The following AFG1L variants were observed in gnomAD, a reference collection of about 807,000 sequenced individuals.
AFG1L encodes the protein AFG1 like ATPase, also known as AFG1-like ATPase.
In AFG1L, 53 loss-of-function variants were observed where a neutral mutation model predicts 62.2. That is an observed-to-expected ratio of 0.85 (90% CI 0.68 to 1.07). The LOEUF (loss-of-function observed/expected upper bound fraction) is 1.07, where lower values mean the gene tolerates loss of function less well. Ranked by LOEUF, AFG1L falls within the 50% of genes least tolerant of loss-of-function variation. AFG1L has a pLI of 0.00. For synonymous variants in AFG1L, 228 were observed against 210.3 expected, an observed-to-expected ratio of 1.08 and a Z score of -0.73; for missense variants, 555 against 590.5, an observed-to-expected ratio of 0.94 and a Z score of 0.62.
chr6:108,501,210 G>A (rs1221215108), intron 10 of AFG1L, among the ~76,000 whole-genome samples: 1 of 152,132 alleles, frequency 6.6e-6, no homozygotes, highest in African/African-American at 2.4e-5. Flanking sequence ...GGCCAGGCTG[G>A]TCTTGAACTC....
chr6:108,303,542 C>T (rs1447664542), intron 1 of AFG1L, among the ~76,000 whole-genome samples: 2 of 152,188 alleles, frequency 1.3e-5, no homozygotes, highest in Non-Finnish European at 2.9e-5. Context: ...CTTCAATTTC[C>T]AGAATCTCTT....
At chr6:108,331,433 A>G (rs553948312) in intron 2 of AFG1L, among the ~76,000 whole-genome samples, 2 of 152,364 alleles carry the variant, frequency 1.3e-5, no homozygotes, top group African/African-American at 4.8e-5. Flanking sequence ...TAAGATACCA[A>G]ATTTATTAAC....
At chr6:108,470,853 AG>A in intron 8 of AFG1L, among the ~76,000 whole-genome samples, 1 of 152,186 alleles carries the variant, frequency 6.6e-6, no homozygotes, top group Non-Finnish European at 1.5e-5. Flanking sequence ...GTGTTGTTTG[AG>A]ATAACTGAAC....
chr6:108,371,563 C>T lies in AFG1L; in HGVS notation c.748+5231C>T, dbSNP rs543175689. On this transcript the variant is annotated intron_variant, in intron 6 of 12. Coordinates refer to ENST00000368977, the MANE Select transcript of AFG1L (RefSeq NM_145315.5). ...ATTTTTAAATTTTTTGTAGATCTCCCTATGTTGCCCAGGCTGGTCTCAAAC... is the reference window on the plus strand; with the variant it reads ...ATTTTTAAATTTTTTGTAGATCTCCTTATGTTGCCCAGGCTGGTCTCAAAC... Among the ~76,000 whole-genome samples the T allele has an allele frequency of 7.9e-5, 12 of 151,498 alleles. No homozygotes were observed. The East Asian group carries it at 2.1e-3, about 27-fold the overall frequency.
chr6:108,322,601 C>G (rs908202884), intron 1 of AFG1L, among the ~76,000 whole-genome samples: 1 of 152,166 alleles, frequency 6.6e-6, no homozygotes. Flanking sequence ...TGGAAGACAG[C>G]CGTCCCTATC....
chr6:108,383,162 G>A (rs1359451733), intron 6 of AFG1L, among the ~76,000 whole-genome samples: 1 of 152,178 alleles, frequency 6.6e-6, no homozygotes, highest in African/African-American at 2.4e-5. Context: ...GAACCCAGGA[G>A]GCGGAGGTTG....
chr6:108,445,682 A>AGAGAGAGAGAGAG (rs1771752673), intron 7 of AFG1L, among the ~76,000 whole-genome samples: 7 of 117,784 alleles, frequency 5.9e-5, no homozygotes, highest in African/African-American at 1.7e-4. Context: ...GAGAGAGAGA[A>AGAGAGAGAGAGAG]ACAGCCAGTT....
chr6:108,414,169 T>G (rs1334753306), intron 7 of AFG1L, among the ~76,000 whole-genome samples: 1 of 152,176 alleles, frequency 6.6e-6, no homozygotes. Flanking sequence ...CTAGAAAATC[T>G]AGAAGAAATG....
chr6:108,436,960 C>G (rs1374445371), intron 7 of AFG1L, among the ~76,000 whole-genome samples: 1 of 152,160 alleles, frequency 6.6e-6, no homozygotes. Context: ...GATGAGGGCA[C>G]CAGCAGATTT....
chr6:108,433,632 G>T (rs1226295879), intron 7 of AFG1L, among the ~76,000 whole-genome samples: 2 of 151,830 alleles, frequency 1.3e-5, no homozygotes, highest in East Asian at 1.9e-4. Context: ...TCACTCTGTT[G>T]CCCAGGCTGG....
At chr6:108,417,235 A>ACAC (rs1770339700) in intron 7 of AFG1L, among the ~76,000 whole-genome samples, 1 of 133,556 alleles carries the variant, frequency 7.5e-6, no homozygotes, top group Admixed American at 7.9e-5. Context: ...CATTGTCTTA[A>ACAC]ACACACACAC....
chr6:108,433,932 G>A (rs1321760949), intron 7 of AFG1L, among the ~76,000 whole-genome samples: 17 of 152,162 alleles, frequency 1.1e-4, no homozygotes, highest in Admixed American at 1.1e-3. Context: ...TGTAACTTTA[G>A]AAGAAGAGAC....
intron 7 of AFG1L, among the ~76,000 whole-genome samples, chr6:108,441,298 TC>T (rs1562163432): frequency 6.6e-6 from 1 of 152,138 alleles, no homozygotes; most frequent in African/African-American, 2.4e-5. Context: ...TTAATACAGT[TC>T]CTTTAGTCAT....
intron 1 of AFG1L, among the ~76,000 whole-genome samples, chr6:108,296,946 A>G (rs1202520772): frequency 6.6e-6 from 1 of 152,180 alleles, no homozygotes; most frequent in African/African-American, 2.4e-5. Flanking sequence ...TCAGAACTGG[A>G]TTCAAGTGAA....
chr6:108,516,741 A>G (rs952051786), intron 11 of AFG1L, among the ~76,000 whole-genome samples: 3 of 152,202 alleles, frequency 2.0e-5, no homozygotes, highest in African/African-American at 7.2e-5. Flanking sequence ...ATGATTGTAT[A>G]TCTAGAAAAC....
chr6:108,315,578 T>A (rs1777558945), intron 1 of AFG1L, among the ~76,000 whole-genome samples: 1 of 152,106 alleles, frequency 6.6e-6, no homozygotes. Flanking sequence ...TTTCTTTCCT[T>A]CCTTTTTTGT....
At chr6:108,454,005 A>C (rs1772158788) in intron 8 of AFG1L, among the ~76,000 whole-genome samples, 1 of 152,176 alleles carries the variant, frequency 6.6e-6, no homozygotes, top group Admixed American at 6.5e-5. Context: ...CATTTGTTTC[A>C]ATACGTTGTG....
chr6:108,445,633 TGA>T (rs59323063), intron 7 of AFG1L, among the ~76,000 whole-genome samples: 2,386 of 129,906 alleles, frequency 0.018, 21 homozygotes, highest in East Asian at 0.026. Context: ...ACACCTAAGG[TGA>T]GAGAGAGAGA....
chr6:108,468,118 A>G (rs1187633389), intron 8 of AFG1L, among the ~76,000 whole-genome samples: 2 of 152,110 alleles, frequency 1.3e-5, no homozygotes, highest in East Asian at 3.9e-4. Flanking sequence ...GCCTGTTTTT[A>G]TATTTTTCCA....
Sources: allele counts gnomAD v4.1 joint callset (sites outside exome capture counted in the v4.1 genomes callset), GRCh38; gene constraint gnomAD v4.1.1; transcripts MANE v1.5; gene names NCBI Gene and HGNC (gene_info 2026-07-23, HGNC 2026-07-21).